Variants in GLT1D1 observed in about 807,000 individuals in gnomAD.
GLT1D1 encodes glycosyltransferase 1 domain containing 1.
GLT1D1 carries 21 observed loss-of-function variants against 28.7 expected under a neutral mutation model. The observed-to-expected ratio is 0.73, with a 90% confidence interval of 0.52 to 1.05. The LOEUF (loss-of-function observed/expected upper bound fraction) is 1.05, where lower values mean the gene tolerates loss of function less well. Ranked by LOEUF, GLT1D1 falls within the 50% of genes least tolerant of loss-of-function variation. The pLI is 0.00. For missense variants in GLT1D1, 343 were observed against 330.6 expected, an observed-to-expected ratio of 1.04 and a Z score of -0.29; for synonymous variants, 147 against 124.8, an observed-to-expected ratio of 1.18 and a Z score of -1.19.
At chr12:128,962,170 G>A (rs541928313) in intron 7 of GLT1D1, among the ~76,000 whole-genome samples, 5 of 152,194 alleles carry the variant, frequency 3.3e-5, no homozygotes, top group Non-Finnish European at 2.9e-5. Context: ...GTCCTATGGC[G>A]GCCCCGTGTG....
intron 4 of GLT1D1, among the ~76,000 whole-genome samples, chr12:128,918,153 T>C (rs1872291020): frequency 1.3e-5 from 2 of 152,190 alleles, no homozygotes; most frequent in Admixed American, 1.3e-4. Flanking sequence ...ATCATGTCCT[T>C]TGCAGGAACA....
At chr12:128,876,135 C>A in intron 2 of GLT1D1, 73 bp downstream of exon 2, 1 of 1,319,994 alleles carries the variant, frequency 7.6e-7, no homozygotes, top group Non-Finnish European at 1.1e-6. Flanking sequence ...TGTCCAATAA[C>A]ACGGGAAACA....
chr12:128,951,365 T>C (rs1002873708), intron 6 of GLT1D1, among the ~76,000 whole-genome samples: 2 of 152,206 alleles, frequency 1.3e-5, no homozygotes, highest in African/African-American at 4.8e-5. Context: ...ATCACACCAC[T>C]GTACTCCAGC....
intron 7 of GLT1D1, among the ~76,000 whole-genome samples, chr12:128,973,593 C>G (rs12827331): frequency 3.3e-5 from 5 of 152,062 alleles, no homozygotes; most frequent in Non-Finnish European, 7.4e-5. Context: ...TCCTCCTGCT[C>G]TAACCCGCCA....
In GLT1D1 at chr12:128,927,262, G is replaced by A. The variant is rs573358477; in HGVS notation, c.376-18064G>A. The A allele has an allele frequency of 6.4e-5, 57 of 888,934 alleles. No individual in the cohort carries two copies. In the East Asian group the frequency reaches 1.0e-3, roughly 16 times the overall value. The allele number at this position is 888,934 out of a possible 1,614,324, so 55.1% of individuals were successfully genotyped here. On this transcript the variant is annotated intron_variant, in intron 4 of 7. Coordinates refer to ENST00000281703, the MANE Select transcript of GLT1D1 (RefSeq NM_144669.3). ...TTGCTCTTCTTTATTTTTTTGAGAC[G>A]GAGTCTTGCTCTGTCCCCCAGGCTG...
chr12:128,873,385 C>G (rs775342993), intron 1 of GLT1D1, among the ~76,000 whole-genome samples: 3 of 152,182 alleles, frequency 2.0e-5, no homozygotes, highest in Non-Finnish European at 2.9e-5. Flanking sequence ...GGCAAAAGAA[C>G]ATGATTAGGT....
chr12:128,950,479 G>A (rs760701313), intron 6 of GLT1D1, among the ~76,000 whole-genome samples: 3 of 152,154 alleles, frequency 2.0e-5, no homozygotes, highest in Admixed American at 6.5e-5. Context: ...CTTGACAGAC[G>A]CTTAGTAAAA....
intron 1 of GLT1D1, among the ~76,000 whole-genome samples, chr12:128,859,906 G>A (rs1286329288): frequency 6.6e-6 from 1 of 152,162 alleles, no homozygotes; most frequent in Non-Finnish European, 1.5e-5. Flanking sequence ...AGATGTAGGT[G>A]ACAGAATGGA....
chr12:128,930,085 C>T (rs1424192948), intron 4 of GLT1D1: 1 of 152,212 alleles, frequency 6.6e-6, no homozygotes, highest in East Asian at 1.9e-4. Context: ...AACATACACC[C>T]ACATATATGC....
chr12:128,885,053 C>T (rs1957146021), intron 2 of GLT1D1, among the ~76,000 whole-genome samples: 1 of 151,140 alleles, frequency 6.6e-6, no homozygotes, highest in Non-Finnish European at 1.5e-5. Flanking sequence ...CTGTGCTTGG[C>T]CTAATTAGCT....
chr12:128,874,120 C>CCCTTTCTTTCTT lies in GLT1D1; in HGVS notation c.69-1794_69-1793insCCTTTCTTTCTT, dbSNP rs1555261631. The stretch of plus-strand genomic sequence containing the variant: ...TCTTTCTCTCTCTCTCTCTCTCTCT[C>CCCTTTCTTTCTT]TCTCTCTTTCTTTCTTTCTTTCTTT... On this transcript the variant is annotated intron_variant, in intron 1 of 7. Coordinates refer to ENST00000281703, the MANE Select transcript of GLT1D1 (RefSeq NM_144669.3). 1.8e-3 allele frequency among the ~76,000 whole-genome samples: 95 copies of CCCTTTCTTTCTT among 52,780 alleles called. 3 individuals carry two copies. Among genetic ancestry groups the CCCTTTCTTTCTT allele is most frequent in the African/African-American group, 8.0e-3 (91 of 11,352 alleles). 34.6% of individuals were successfully genotyped at this position (52,780 alleles called of 152,430 possible).
At chr12:128,939,458 A>T (rs974542940) in intron 4 of GLT1D1, among the ~76,000 whole-genome samples, 1 of 151,436 alleles carries the variant, frequency 6.6e-6, no homozygotes, top group Non-Finnish European at 1.5e-5. Context: ...ACAGTGGCTC[A>T]TGCTTGTAAT....
In GLT1D1 at chr12:128,973,179, G is replaced by GTTTTTTTTTTTTTTTTTTTTTT. The variant is rs61169176; in HGVS notation, c.640-9744_640-9723dup. Among the ~76,000 whole-genome samples the GTTTTTTTTTTTTTTTTTTTTTT allele has an allele frequency of 2.6e-3, 133 of 50,984 alleles. 27 individuals carry two copies. The highest frequency in any genetic ancestry group is 4.5e-3 in the Non-Finnish European group (113 of 24,888). The allele number at this position is 50,984 out of a possible 152,430, so 33.4% of individuals were successfully genotyped here. A position where few individuals can be genotyped will look rare whatever the true frequency, so the allele number is the denominator to read the frequency against. On this transcript the variant is annotated intron_variant, in intron 7 of 7. Transcript: ENST00000281703. ...CTTTTCTGTTTTGTTTGTTTGCTTG[G>GTTTTTTTTTTTTTTTTTTTTTT]TTTTTTTTTTTTTTTTTTTTTTTTT...
chr12:128,964,791 G>A (rs565506497), intron 7 of GLT1D1, among the ~76,000 whole-genome samples: 1 of 152,304 alleles, frequency 6.6e-6, no homozygotes, highest in Non-Finnish European at 1.5e-5. Flanking sequence ...ACCTGTGCAG[G>A]GTGAGGTTTA....
intron 6 of GLT1D1, among the ~76,000 whole-genome samples, chr12:128,948,984 C>A (rs530339633): frequency 6.6e-6 from 1 of 152,216 alleles, no homozygotes; most frequent in Admixed American, 6.5e-5. Flanking sequence ...ACGTGATCAT[C>A]CTCAGCCAGA....
At chr12:128,923,939 TA>T (rs376236111) in intron 4 of GLT1D1, among the ~76,000 whole-genome samples, 3,169 of 148,586 alleles carry the variant, frequency 0.021, 44 homozygotes, top group Middle Eastern at 0.041. Context: ...ATTTTCTCAT[TA>T]AAAAAAAAAT....
At chr12:128,886,494 G>A (rs1483720640) in intron 2 of GLT1D1, among the ~76,000 whole-genome samples, 1 of 152,206 alleles carries the variant, frequency 6.6e-6, no homozygotes, top group Non-Finnish European at 1.5e-5. Flanking sequence ...CTCCCAGGCT[G>A]AAATTCAGGT....
intron 4 of GLT1D1, among the ~76,000 whole-genome samples, chr12:128,899,966 G>C (rs891056926): frequency 6.6e-6 from 1 of 152,082 alleles, no homozygotes; most frequent in Admixed American, 6.6e-5. Flanking sequence ...TAGTTTCCTG[G>C]GTTGGACCGT....
chr12:128,853,665 C>A lies in GLT1D1; in HGVS notation c.68+16C>A. 9.1e-7 allele frequency: 1 copy of A among 1,099,030 alleles called. No homozygotes were observed. Among genetic ancestry groups the A allele is most frequent in the Non-Finnish European group, 1.1e-6 (1 of 902,278 alleles). The allele number at this position is 1,099,030 out of a possible 1,614,324, so 68.1% of individuals were successfully genotyped here. On this transcript the variant is annotated intron_variant, in intron 1 of 7. Coordinates refer to ENST00000281703, the MANE Select transcript of GLT1D1 (RefSeq NM_144669.3). Reference sequence around the variant, plus strand: ...AGCGCGTTCGGTAGGTGCAGGGCGCCGGGGCCTACGAAGCCTGGGCCGGGG... The same window carrying A: ...AGCGCGTTCGGTAGGTGCAGGGCGCAGGGGCCTACGAAGCCTGGGCCGGGG...
Sources: gnomAD v4.1 joint callset for allele counts (sites outside exome capture counted in the v4.1 genomes callset) on GRCh38, gnomAD v4.1.1 for gene constraint, MANE v1.5 for transcripts, NCBI Gene and HGNC (gene_info 2026-07-23, HGNC 2026-07-21) for gene names.